Variants in SPATS2 observed in about 807,000 individuals in gnomAD.
SPATS2 encodes spermatogenesis associated serine rich 2, also known as spermatogenesis-associated serine-rich protein 2.
A neutral mutation model predicts 63.7 loss-of-function variants in SPATS2; 38 were observed. The observed-to-expected ratio is 0.60, with a 90% CI of 0.46 to 0.78. The LOEUF (loss-of-function observed/expected upper bound fraction) is 0.78, where lower values mean the gene tolerates loss of function less well. SPATS2 is among the 30% of genes least tolerant of loss of function. The probability of loss-of-function intolerance (pLI) is 0.00; values close to 1 mark genes in which losing one functional copy is unlikely to be tolerated. For missense variants in SPATS2, 588 were observed against 666.2 expected (o/e 0.88, Z 1.29); for synonymous variants, 207 against 232.9 (o/e 0.89, Z 1.01).
At chr12:49,367,403 A>AGGCGGCGGTGGGGGCGGGGC, upstream of SPATS2, 1 of 388,612 alleles carries the variant, frequency 2.6e-6, no homozygotes, top group East Asian at 3.7e-5. Context: ...AGAAGTGGGG[A>AGGCGGCGGTGGGGGCGGGGC]GGCGGCGGTG....
chr12:49,506,088 G>A (rs1367734295), intron 9 of SPATS2, among the ~76,000 whole-genome samples: 1 of 152,204 alleles, frequency 6.6e-6, no homozygotes, highest in Non-Finnish European at 1.5e-5. Context: ...TAAAATAGGT[G>A]TTGTGTTAGA....
chr12:49,439,375 T>C (rs886126995), intron 2 of SPATS2, among the ~76,000 whole-genome samples: 1 of 152,130 alleles, frequency 6.6e-6, no homozygotes, highest in Non-Finnish European at 1.5e-5. Context: ...CTTAAAAAAC[T>C]GGCTTCTGTG....
intron 2 of SPATS2, among the ~76,000 whole-genome samples, chr12:49,375,369 A>C (rs1214032679): frequency 6.6e-6 from 1 of 152,138 alleles, no homozygotes; most frequent in Non-Finnish European, 1.5e-5. Flanking sequence ...GACTGAAAAG[A>C]CCAATTTGTA....
intron 4 of SPATS2, among the ~76,000 whole-genome samples, chr12:49,488,416 T>C (rs1328600965): frequency 2.0e-5 from 3 of 151,974 alleles, no homozygotes; most frequent in African/African-American, 7.3e-5. Context: ...CCCAGCACTT[T>C]GGGAGGTGGA....
intron 11 of SPATS2, among the ~76,000 whole-genome samples, chr12:49,522,161 G>C (rs1172959980): frequency 6.6e-6 from 1 of 152,064 alleles, no homozygotes; most frequent in African/African-American, 2.4e-5. Context: ...CAAGGGGTTG[G>C]TTACTTCTCA....
At chr12:49,421,155 A>G (rs1444068567) in intron 2 of SPATS2, among the ~76,000 whole-genome samples, 1 of 152,074 alleles carries the variant, frequency 6.6e-6, no homozygotes, top group African/African-American at 2.4e-5. Context: ...TGCGGTGGCT[A>G]ACGCCTATAA....
At chr12:49,440,820 T>C (rs188824526) in intron 2 of SPATS2, among the ~76,000 whole-genome samples, 1 of 152,288 alleles carries the variant, frequency 6.6e-6, no homozygotes, top group East Asian at 1.9e-4. Context: ...TTCAATTTGT[T>C]TGGTGTTTCC....
intron 8 of SPATS2, among the ~76,000 whole-genome samples, chr12:49,499,367 G>T (rs1946523304): frequency 6.6e-6 from 1 of 151,996 alleles, no homozygotes; most frequent in Non-Finnish European, 1.5e-5. Context: ...CTGGCCTGGT[G>T]AGCTCTGGGG....
chr12:49,464,921 G>A (rs1945885776), intron 3 of SPATS2, among the ~76,000 whole-genome samples: 1 of 152,036 alleles, frequency 6.6e-6, no homozygotes, highest in Non-Finnish European at 1.5e-5. Context: ...GGCAAACATT[G>A]ATCTTCTGTC....
chr12:49,369,155 G>A (rs1459343469), intron 1 of SPATS2, among the ~76,000 whole-genome samples: 1 of 148,870 alleles, frequency 6.7e-6, no homozygotes, highest in Non-Finnish European at 1.5e-5. Flanking sequence ...AGCCTCCCAA[G>A]TAGCTGGAAT....
chr12:49,463,704 A>G (rs915132187), intron 3 of SPATS2: 1 of 152,214 alleles, frequency 6.6e-6, no homozygotes, highest in Non-Finnish European at 1.5e-5. Flanking sequence ...ACTTGGTTAT[A>G]CTACATTAAA....
At chr12:49,499,458 GTTT>G (rs1307296830) in intron 8 of SPATS2, among the ~76,000 whole-genome samples, 2 of 150,642 alleles carry the variant, frequency 1.3e-5, no homozygotes, top group African/African-American at 4.9e-5. Flanking sequence ...TGGTTCTTTG[GTTT>G]TGTTTTGTTT....
At chr12:49,415,873 A>G (rs1944880433) in intron 2 of SPATS2, among the ~76,000 whole-genome samples, 1 of 152,140 alleles carries the variant, frequency 6.6e-6, no homozygotes, top group East Asian at 1.9e-4. Context: ...TACAGACTGT[A>G]GTTTGCTCAT....
At chr12:49,475,215 G>C (rs754807096) in intron 3 of SPATS2, among the ~76,000 whole-genome samples, 5 of 152,032 alleles carry the variant, frequency 3.3e-5, no homozygotes, top group South Asian at 2.1e-4. Flanking sequence ...CCAAATGCAC[G>C]CCAAAAATAA....
intron 2 of SPATS2, among the ~76,000 whole-genome samples, chr12:49,423,985 T>A (rs1945028695): frequency 6.6e-6 from 1 of 152,076 alleles, no homozygotes; most frequent in Non-Finnish European, 1.5e-5. Context: ...GGCAAATCAC[T>A]TGAGGTTAGG....
chr12:49,499,569 CAT>C (rs772180581), intron 8 of SPATS2, among the ~76,000 whole-genome samples: 2 of 152,032 alleles, frequency 1.3e-5, no homozygotes, highest in Non-Finnish European at 2.9e-5. Flanking sequence ...GCAGCTCTCT[CAT>C]GTGTGTAGCT....
chr12:49,464,627 TAA>T lies in SPATS2; in HGVS notation c.25+3609_25+3610del, dbSNP rs562743662. ...GGGCAACAAGAGCAAAACTCCATCT[TAA>T]AAAAAAAAAAAAAAAAAAGGACTCT... is the stretch of plus-strand genomic sequence containing the variant. On this transcript the variant is annotated intron_variant, in intron 3 of 13. Transcript: ENST00000552918. 2.5e-3 allele frequency among the ~76,000 whole-genome samples: 272 copies of T among 107,248 alleles called. 2 individuals carry two copies. The highest frequency in any genetic ancestry group is 6.2e-3 in the African/African-American group (185 of 29,636). 70.4% of individuals were successfully genotyped at this position (107,248 alleles called of 152,430 possible). A position where few individuals can be genotyped will look rare whatever the true frequency, so the allele number is the denominator to read the frequency against.
At chr12:49,474,307 C>T (rs920135455) in intron 3 of SPATS2, among the ~76,000 whole-genome samples, 3 of 152,004 alleles carry the variant, frequency 2.0e-5, no homozygotes, top group African/African-American at 2.4e-5. Flanking sequence ...ACTTCTAAGT[C>T]GGTTTAAGAA....
chr12:49,399,605 C>G (rs1565702785), intron 2 of SPATS2, among the ~76,000 whole-genome samples: 1 of 152,188 alleles, frequency 6.6e-6, no homozygotes, highest in African/African-American at 2.4e-5. Context: ...AATTCACACT[C>G]CCTATGTGGT....
Sources: allele counts gnomAD v4.1 joint callset (sites outside exome capture counted in the v4.1 genomes callset), GRCh38; gene constraint gnomAD v4.1.1; transcripts MANE v1.5; gene names NCBI Gene and HGNC (gene_info 2026-07-23, HGNC 2026-07-21).